The following CSMD3 variants were observed in gnomAD, a reference collection of about 807,000 sequenced individuals.
CSMD3 encodes CUB and Sushi multiple domains 3.
A neutral mutation model predicts 435.2 loss-of-function variants in CSMD3; 177 were observed. That is an observed-to-expected ratio of 0.41 (90% CI 0.36 to 0.46). The LOEUF (loss-of-function observed/expected upper bound fraction) is 0.46. Among genes scored for constraint, CSMD3 ranks in the 20% least tolerant of loss-of-function variants. The probability of loss-of-function intolerance (pLI) is 0.34; values close to 1 mark genes in which losing one functional copy is unlikely to be tolerated. For synonymous variants in CSMD3, 1,656 were observed against 1,520.5 expected, an observed-to-expected ratio of 1.09 and a Z score of -2.07; for missense variants, 4,265 against 4,504.6, an observed-to-expected ratio of 0.95 and a Z score of 1.52.
chr8:112,956,686 TAA>T (rs1409619323), intron 7 of CSMD3, among the ~76,000 whole-genome samples: 2 of 152,122 alleles, frequency 1.3e-5, no homozygotes, highest in Non-Finnish European at 2.9e-5. Context: ...TTGTAAATAA[TAA>T]GTTACTAATA....
chr8:112,446,749 CA>C (rs1446280692), intron 32 of CSMD3, among the ~76,000 whole-genome samples: 8 of 152,106 alleles, frequency 5.3e-5, no homozygotes, highest in Admixed American at 4.6e-4. Context: ...AGTTTGCTTT[CA>C]GGGTTTACTG....
chr8:112,684,427 A>C lies in CSMD3; in HGVS notation c.2482+979T>G, dbSNP rs981567542. Among the ~76,000 whole-genome samples the C allele has an allele frequency of 2.4e-4, 36 of 152,170 alleles. 1 individual carries two copies. Among genetic ancestry groups the C allele is most frequent in the African/African-American group, 8.7e-4 (36 of 41,570 alleles). On this transcript the variant is annotated intron_variant, in intron 15 of 70. Transcript: ENST00000297405. ...GGTGAGGGTGGGAGTGAAGTGTGAA[A>C]TTCTTTTTATAAAGCAACAGGAAGA...
At chr8:113,357,064 A>G (rs1197573778) in intron 1 of CSMD3, among the ~76,000 whole-genome samples, 1 of 152,208 alleles carries the variant, frequency 6.6e-6, no homozygotes, top group Non-Finnish European at 1.5e-5. Flanking sequence ...ATATATACAT[A>G]CATATATTTA....
At chr8:112,413,604 T>G (rs1811589081) in intron 32 of CSMD3, among the ~76,000 whole-genome samples, 1 of 152,160 alleles carries the variant, frequency 6.6e-6, no homozygotes, top group African/African-American at 2.4e-5. Context: ...AGCATCACTG[T>G]GGAAACAGTA....
At chr8:112,285,773 G>T (rs1356747480) in intron 58 of CSMD3, among the ~76,000 whole-genome samples, 1 of 151,744 alleles carries the variant, frequency 6.6e-6, no homozygotes, top group Non-Finnish European at 1.5e-5. Context: ...AGGCTAGAGT[G>T]CAGTGGCATA....
At chr8:113,168,909 G>C (rs1432927649) in intron 4 of CSMD3, among the ~76,000 whole-genome samples, 1 of 151,964 alleles carries the variant, frequency 6.6e-6, no homozygotes. Flanking sequence ...GCCTTTGTGA[G>C]GTAATTTCCA....
chr8:113,314,620 A>G lies in CSMD3; in HGVS notation c.352T>C (p.Tyr118His). The G allele has an allele frequency of 6.2e-7, 1 of 1,610,186 alleles. No homozygotes were observed. The highest frequency in any genetic ancestry group is 8.5e-7 in the Non-Finnish European group (1 of 1,176,622). ...GGATGTCCATCATATAATGATAAGT[A>G]GTCGTATTCTTCTTCTAGAGCAAAT... is the stretch of plus-strand genomic sequence containing the variant. ...QSFALEEEYDYLSLYDGHPHP... is the reference protein window; with the variant it reads ...QSFALEEEYDHLSLYDGHPHP... Residue 118 changes from tyrosine (Y) to histidine (H), a missense_variant, in exon 2 of 71, where the codon TAC becomes CAC. By Grantham distance (83) the Tyr-to-His change is moderately conservative. This residue lies in a region of CSMD3 where 731 missense variants were observed against 755.4 expected (regional missense o/e 0.97). Transcript: ENST00000297405.
At chr8:113,038,776 C>T (rs1375767606) in intron 5 of CSMD3, among the ~76,000 whole-genome samples, 1 of 152,154 alleles carries the variant, frequency 6.6e-6, no homozygotes, top group Non-Finnish European at 1.5e-5. Flanking sequence ...ATCCCTCCCT[C>T]CCAACATGCA....
intron 6 of CSMD3, among the ~76,000 whole-genome samples, chr8:113,012,170 C>G (rs1000677159): frequency 6.6e-6 from 1 of 151,794 alleles, no homozygotes; most frequent in African/African-American, 2.4e-5. Context: ...AGCTCTCTTA[C>G]TTCATAAGCT....
chr8:112,349,675 T>C (rs1457004697), intron 40 of CSMD3, among the ~76,000 whole-genome samples: 1 of 152,142 alleles, frequency 6.6e-6, no homozygotes, highest in Non-Finnish European at 1.5e-5. Flanking sequence ...ATATATGAGG[T>C]AATTTTAAAA....
intron 57 of CSMD3, among the ~76,000 whole-genome samples, chr8:112,287,805 C>T (rs1213928040): frequency 6.6e-6 from 1 of 151,986 alleles, no homozygotes; most frequent in Non-Finnish European, 1.5e-5. Context: ...CTGCATATTC[C>T]TCGTATATGA....
At chr8:113,130,381 C>G (rs72685860) in intron 4 of CSMD3, among the ~76,000 whole-genome samples, 2 of 151,954 alleles carry the variant, frequency 1.3e-5, no homozygotes, top group African/African-American at 2.4e-5. Context: ...GTTCTCATGA[C>G]GGTAAGTGAG....
At chr8:113,333,531 C>A (rs1320696810) in intron 1 of CSMD3, among the ~76,000 whole-genome samples, 1 of 151,794 alleles carries the variant, frequency 6.6e-6, no homozygotes, top group Non-Finnish European at 1.5e-5. Context: ...AGTAAAAAAT[C>A]TACATTTCCG....
intron 24 of CSMD3, among the ~76,000 whole-genome samples, chr8:112,570,330 G>A (rs1193499523): frequency 6.6e-6 from 1 of 152,154 alleles, no homozygotes; most frequent in African/African-American, 2.4e-5. Flanking sequence ...GAAGAACGAT[G>A]CACATATGTT....
intron 5 of CSMD3, among the ~76,000 whole-genome samples, chr8:113,031,085 G>T (rs2087089690): frequency 6.6e-6 from 1 of 151,596 alleles, no homozygotes; most frequent in East Asian, 1.9e-4. Flanking sequence ...AAGAATATCA[G>T]TCTTTTATAA....
chr8:112,741,775 T>C (rs2077311331), intron 13 of CSMD3, among the ~76,000 whole-genome samples: 1 of 135,532 alleles, frequency 7.4e-6, no homozygotes, highest in Admixed American at 7.5e-5. Context: ...AGATAGATGA[T>C]AGATAGATAG....
In CSMD3 at chr8:112,235,432, C is replaced by A. The variant is rs149869514; in HGVS notation, c.10628-955G>T. On this transcript the variant is annotated intron_variant, in intron 67 of 70. Coordinates refer to ENST00000297405, the MANE Select transcript of CSMD3 (RefSeq NM_198123.2). The stretch of plus-strand genomic sequence containing the variant: ...AAAAACAAAACAACAACAACAACAA[C>A]AAAAAACAGCATTTGAACTGGTTCT... Among the ~76,000 whole-genome samples the A allele has an allele frequency of 1.7e-3, 251 of 151,796 alleles. 1 individual carries two copies. The highest frequency in any genetic ancestry group is 6.8e-3 in the Middle Eastern group (2 of 294).
chr8:112,953,286 T>G (rs2083893406), intron 8 of CSMD3, among the ~76,000 whole-genome samples: 2 of 151,470 alleles, frequency 1.3e-5, no homozygotes, highest in South Asian at 4.1e-4. Context: ...TATGTAAGAG[T>G]CATCTCACCT....
intron 1 of CSMD3, among the ~76,000 whole-genome samples, chr8:113,329,374 T>C (rs1006446835): frequency 6.6e-6 from 1 of 152,024 alleles, no homozygotes; most frequent in Non-Finnish European, 1.5e-5. Flanking sequence ...CTAAAGGAAT[T>C]AAGCAAGAAA....
Sources: allele counts gnomAD v4.1 joint callset (sites outside exome capture counted in the v4.1 genomes callset), GRCh38; gene constraint gnomAD v4.1.1; regional missense constraint gnomAD v4.1.1; transcripts MANE v1.5; gene names NCBI Gene and HGNC (gene_info 2026-07-23, HGNC 2026-07-21).